The following ACBD6 variants were observed in gnomAD, a reference collection of about 807,000 sequenced individuals.
ACBD6 encodes the protein acyl-CoA binding domain containing 6, also known as acyl-CoA-binding domain-containing protein 6.
A neutral mutation model predicts 37.2 loss-of-function variants in ACBD6; 28 were observed. The ratio of observed to expected loss-of-function variants is 0.75; its 90% confidence interval spans 0.56 to 1.03. The LOEUF (loss-of-function observed/expected upper bound fraction) is 1.03, where lower values mean the gene tolerates loss of function less well. ACBD6 is among the 50% of genes least tolerant of loss of function. The probability of loss-of-function intolerance (pLI) is 0.00; values close to 1 mark genes in which losing one functional copy is unlikely to be tolerated. For synonymous variants in ACBD6, 113 were observed against 126.8 expected (o/e 0.89, Z 0.73); for missense variants, 340 against 337.4 (o/e 1.01, Z -0.06).
intron 6 of ACBD6, among the ~76,000 whole-genome samples, chr1:180,358,445 A>G (rs1652712455): frequency 6.6e-5 from 1 of 15,132 alleles, no homozygotes; most frequent in African/African-American, 3.3e-4. Flanking sequence ...CAACAACAAC[A>G]ACAAAAAAAA....
chr1:180,318,260 T>C (rs1650913359), intron 6 of ACBD6, among the ~76,000 whole-genome samples: 1 of 150,722 alleles, frequency 6.6e-6, no homozygotes, highest in South Asian at 2.1e-4. Context: ...CTGGAAACTG[T>C]CCCTCAACAT....
chr1:180,352,273 A>ATAT (rs770385988), intron 6 of ACBD6, among the ~76,000 whole-genome samples: 1 of 152,028 alleles, frequency 6.6e-6, no homozygotes, highest in Non-Finnish European at 1.5e-5. Flanking sequence ...TTTATTGTTA[A>ATAT]TATTATTATT....
chr1:180,475,075 A>G (rs747126552), intron 3 of ACBD6, among the ~76,000 whole-genome samples: 1 of 152,258 alleles, frequency 6.6e-6, no homozygotes, highest in Non-Finnish European at 1.5e-5. Flanking sequence ...CAGCATCCAG[A>G]TCAAGAAATA....
In ACBD6 at chr1:180,387,114, A is replaced by G. The variant is rs73048350; in HGVS notation, c.663+10402T>C. Among the ~76,000 whole-genome samples, 387 of 152,274 alleles carry G rather than the reference A, an allele frequency of 2.5e-3. 4 individuals carry two copies. The highest frequency in any genetic ancestry group is 8.3e-3 in the African/African-American group (344 of 41,550). Reference sequence around the variant, plus strand: ...ATAATTTCATTTTCAGAGCCCTTACAGTACTATTTGGGTCTGCCTTGCTTG... The same window carrying G: ...ATAATTTCATTTTCAGAGCCCTTACGGTACTATTTGGGTCTGCCTTGCTTG... On this transcript the variant is annotated intron_variant, in intron 6 of 7. Transcript: ENST00000367595.
At chr1:180,389,904 C>A (rs1654004330) in intron 6 of ACBD6, among the ~76,000 whole-genome samples, 1 of 151,842 alleles carries the variant, frequency 6.6e-6, no homozygotes, top group Non-Finnish European at 1.5e-5. Context: ...GGATATTAGC[C>A]CTTTGTCAGA....
intron 5 of ACBD6, among the ~76,000 whole-genome samples, chr1:180,405,274 T>C (rs567690317): frequency 5.3e-4 from 7 of 13,228 alleles, no homozygotes; most frequent in East Asian, 6.3e-3. Flanking sequence ...AGCATGCAAA[T>C]TGTATTGTTA....
At chr1:180,317,322 A>G (rs1213001938) in intron 6 of ACBD6, among the ~76,000 whole-genome samples, 1 of 152,182 alleles carries the variant, frequency 6.6e-6, no homozygotes, top group Non-Finnish European at 1.5e-5. Flanking sequence ...CATGAAATAG[A>G]ATAGTGGTTA....
Position 180,303,628 on chromosome 1 carries a change from A to G in ACBD6, c.694+11064T>C, listed in dbSNP as rs569210413. On this transcript the variant is annotated intron_variant, in intron 7 of 7. Coordinates refer to ENST00000367595, the MANE Select transcript of ACBD6 (RefSeq NM_032360.4). ...GGCAAAAATTAATAGCTCACCAACC[A>G]AAAAAAGTCCAGGACCAGATGGATT... Among the ~76,000 whole-genome samples, 306 of 150,792 alleles carry G rather than the reference A, an allele frequency of 2.0e-3. 14 individuals are homozygous for G. Among genetic ancestry groups the G allele is most frequent in the Non-Finnish European group, 3.7e-3 (248 of 67,436 alleles).
chr1:180,289,496 G>A (rs117183485), intron 7 of ACBD6, among the ~76,000 whole-genome samples: 1 of 152,318 alleles, frequency 6.6e-6, no homozygotes, highest in East Asian at 1.9e-4. Context: ...AGATGTCAGA[G>A]TGTACACTGG....
intron 6 of ACBD6, among the ~76,000 whole-genome samples, chr1:180,375,605 C>T (rs931277350): frequency 2.0e-5 from 3 of 152,100 alleles, no homozygotes; most frequent in Non-Finnish European, 2.9e-5. Context: ...GAATTATAGG[C>T]GTGAGCCACT....
At chr1:180,297,048 T>A (rs969034723) in intron 7 of ACBD6, among the ~76,000 whole-genome samples, 1 of 152,226 alleles carries the variant, frequency 6.6e-6, no homozygotes, top group African/African-American at 2.4e-5. Context: ...TTTCTACATC[T>A]TAATAGTGGA....
intron 2 of ACBD6, among the ~76,000 whole-genome samples, chr1:180,492,728 A>G (rs2102091367): frequency 6.6e-6 from 1 of 152,342 alleles, no homozygotes; most frequent in Non-Finnish European, 1.5e-5. Flanking sequence ...TGATCTACAG[A>G]CTAATAGAGA....
intron 5 of ACBD6, among the ~76,000 whole-genome samples, chr1:180,406,359 A>G (rs1409971706): frequency 1.3e-5 from 2 of 152,168 alleles, no homozygotes; most frequent in East Asian, 3.8e-4. Context: ...CACTGTTGCT[A>G]AAAAGTTTCA....
chr1:180,474,131 A>G (rs548254059), intron 3 of ACBD6, among the ~76,000 whole-genome samples: 48 of 152,210 alleles, frequency 3.2e-4, no homozygotes, highest in Non-Finnish European at 6.0e-4. Context: ...CCACTTTTCT[A>G]TTCATTTACA....
At chr1:180,363,283 GAATT>G (rs1558266999) in intron 6 of ACBD6, among the ~76,000 whole-genome samples, 1 of 152,178 alleles carries the variant, frequency 6.6e-6, no homozygotes, top group Non-Finnish European at 1.5e-5. Context: ...TGTGAGGAAA[GAATT>G]CATTATGTAC....
intron 1 of ACBD6, among the ~76,000 whole-genome samples, chr1:180,497,754 T>C (rs371249118): frequency 6.6e-6 from 1 of 152,246 alleles, no homozygotes; most frequent in Non-Finnish European, 1.5e-5. Context: ...CCAGTTGCAT[T>C]TGCATATCTA....
intron 3 of ACBD6, among the ~76,000 whole-genome samples, chr1:180,487,369 C>A (rs1182994886): frequency 6.6e-6 from 1 of 152,120 alleles, no homozygotes; most frequent in East Asian, 1.9e-4. Context: ...AAACTGTGCA[C>A]CATTCTGGGC....
intron 6 of ACBD6, among the ~76,000 whole-genome samples, chr1:180,378,456 A>T (rs1464940555): frequency 2.0e-5 from 3 of 152,244 alleles, no homozygotes; most frequent in Non-Finnish European, 4.4e-5. Flanking sequence ...CAATAGTATC[A>T]TACCAATGTT....
chr1:180,482,272 G>A (rs1651081856), intron 3 of ACBD6, among the ~76,000 whole-genome samples: 1 of 152,046 alleles, frequency 6.6e-6, no homozygotes, highest in African/African-American at 2.4e-5. Flanking sequence ...CAGATGAATA[G>A]CAGCCAATTT....
Sources: allele counts gnomAD v4.1 joint callset (sites outside exome capture counted in the v4.1 genomes callset), GRCh38; gene constraint gnomAD v4.1.1; transcripts MANE v1.5; gene names NCBI Gene and HGNC (gene_info 2026-07-23, HGNC 2026-07-21).